The following KAZN variants were observed in gnomAD, a reference collection of about 807,000 sequenced individuals.
KAZN encodes kazrin, periplakin interacting protein, also known as kazrin.
Under a neutral mutation model 87.4 loss-of-function variants are expected in KAZN, and 40 were observed. The ratio of observed to expected loss-of-function variants is 0.46; its 90% CI spans 0.36 to 0.60. The LOEUF is 0.60. Ranked by LOEUF, KAZN falls within the 20% of genes least tolerant of loss-of-function variation. The pLI, the probability that KAZN is intolerant of heterozygous loss-of-function variation, is 0.00. For missense variants in KAZN, 898 were observed against 1,073.9 expected (o/e 0.84, Z 2.29); for synonymous variants, 466 against 458.3 (o/e 1.02, Z -0.22).
At chr1:14,711,552 C>T (rs1642487890) in intron 1 of KAZN, among the ~76,000 whole-genome samples, 1 of 152,138 alleles carries the variant, frequency 6.6e-6, no homozygotes, top group Non-Finnish European at 1.5e-5. Context: ...CCTGTGATGT[C>T]ACTTCCAAGA....
chr1:14,840,157 C>A (rs139384955), intron 1 of KAZN, among the ~76,000 whole-genome samples: 1 of 152,110 alleles, frequency 6.6e-6, no homozygotes, highest in African/African-American at 2.4e-5. Flanking sequence ...TTAATAGAGT[C>A]CAGGAGAGGT....
At chr1:14,835,870 C>A (rs1647226427) in intron 1 of KAZN, among the ~76,000 whole-genome samples, 2 of 143,938 alleles carry the variant, frequency 1.4e-5, no homozygotes, top group South Asian at 4.5e-4. Flanking sequence ...GTTTGAGGGG[C>A]ACCAATGTGT....
At position 15,021,589 on chromosome 1, in the gene KAZN, C is replaced by T. The variant is rs11806251; in HGVS notation, c.419-13160C>T. Among the ~76,000 whole-genome samples the T allele has an allele frequency of 1.3e-5, 2 of 152,048 alleles. No individual in the cohort carries two copies. The highest frequency in any genetic ancestry group is 4.8e-5 in the African/African-American group (2 of 41,316). ...CCTGCTTCCCGGGGCCCTCCGCCCT[C>T]CTGGCTTCCAGGTGACCTCTGAGCT... On this transcript the variant is annotated intron_variant, in intron 2 of 14. Coordinates refer to ENST00000376030, the MANE Select transcript of KAZN (RefSeq NM_201628.3). The surrounding 1 kb of genome is among the most constrained non-coding windows in gnomAD (Gnocchi z 4.2).
chr1:14,792,321 A>G (rs920748091), intron 1 of KAZN, among the ~76,000 whole-genome samples: 12 of 152,190 alleles, frequency 7.9e-5, no homozygotes, highest in Non-Finnish European at 1.8e-4. Context: ...GAAGGTGCAA[A>G]AAACCCAAAT....
In KAZN at chr1:13,901,180, C is replaced by A. The variant is rs550479153; in HGVS notation, c.91+7424C>A. 7.2e-5 allele frequency among the ~76,000 whole-genome samples: 11 copies of A among 152,264 alleles called. 1 individual carries two copies. The South Asian group carries it at 2.3e-3, about 32-fold the overall frequency. ...TCACAAAAGGATGTTTAAAGAAGGG[C>A]CCTCATTGGACCGAGTTTGCCTGGG... On this transcript the variant is annotated intron_variant, in intron 1 of 16. Coordinates refer to the KAZN transcript ENST00000636203.
chr1:14,519,338 TG>T (rs1052088624), intron 2 of KAZN, among the ~76,000 whole-genome samples: 3 of 152,160 alleles, frequency 2.0e-5, no homozygotes, highest in Non-Finnish European at 4.4e-5. Context: ...GCCAGTTCTT[TG>T]GGCAGAATCC....
intron 1 of KAZN, among the ~76,000 whole-genome samples, chr1:14,849,096 C>T (rs966398612): frequency 2.6e-5 from 4 of 152,138 alleles, no homozygotes; most frequent in Admixed American, 6.5e-5. Context: ...TCCCCTTGTT[C>T]GGCCACTCCC....
chr1:15,060,160 C>T lies in KAZN; in HGVS notation c.917-12C>T. 6.2e-7 allele frequency: 1 copy of T among 1,614,070 alleles called. No homozygotes were observed. The stretch of plus-strand genomic sequence containing the variant: ...CTCCATCCCTCACTCACCAGCTGTC[C>T]CTGCTTTCCAGCGGTCAGGGTGAGC... On this transcript the variant is annotated splice_polypyrimidine_tract_variant and intron_variant, in intron 5 of 14. Transcript: ENST00000376030.
At position 14,562,859 on chromosome 1, in the gene KAZN, A is replaced by T. The variant is rs72863606; in HGVS notation, c.250-36124A>T. ...TCCAGAGATTCCCGTGGAAAGCAGG[A>T]GAAGGCTGTTTTAATGATGGGCAAG... On this transcript the variant is annotated intron_variant, in intron 2 of 16. Transcript: ENST00000636203. Among the ~76,000 whole-genome samples the T allele has an allele frequency of 3.4e-3, 516 of 152,344 alleles. 5 individuals are homozygous for T. The highest frequency in any genetic ancestry group is 0.011 in the African/African-American group (478 of 41,588).
chr1:14,940,712 C>G (rs1660961404), intron 1 of KAZN, among the ~76,000 whole-genome samples: 1 of 152,058 alleles, frequency 6.6e-6, no homozygotes, highest in South Asian at 2.1e-4. Context: ...GTTCCTGGCT[C>G]TCTTGATGTT....
At chr1:14,252,658 T>A (rs1650154091) in intron 2 of KAZN, among the ~76,000 whole-genome samples, 1 of 152,210 alleles carries the variant, frequency 6.6e-6, no homozygotes, top group Admixed American at 6.5e-5. Flanking sequence ...CTTAGGAGGA[T>A]TCAAATGCTT....
intron 1 of KAZN, among the ~76,000 whole-genome samples, chr1:14,033,800 C>T (rs138403831): frequency 1.5e-3 from 222 of 152,298 alleles, no homozygotes; most frequent in African/African-American, 5.2e-3. Flanking sequence ...AAATGGGAAT[C>T]GAATCTTTTC....
At chr1:14,139,627 G>A (rs1298169986) in intron 1 of KAZN, among the ~76,000 whole-genome samples, 9 of 152,118 alleles carry the variant, frequency 5.9e-5, no homozygotes, top group Non-Finnish European at 1.3e-4. Flanking sequence ...CCCTCCTCTG[G>A]ACAATTAGCT....
At chr1:14,722,417 A>G (rs1643164609) in intron 1 of KAZN, among the ~76,000 whole-genome samples, 1 of 152,210 alleles carries the variant, frequency 6.6e-6, no homozygotes, top group Non-Finnish European at 1.5e-5. Context: ...AACATAAAAA[A>G]TTCAATTTAA....
At chr1:14,560,659 A>G (rs1284699117) in intron 2 of KAZN, among the ~76,000 whole-genome samples, 1 of 152,212 alleles carries the variant, frequency 6.6e-6, no homozygotes, top group South Asian at 2.1e-4. Context: ...TGCTTTTGAC[A>G]GTGCCTGGCA....
Position 15,094,621 on chromosome 1 carries a change from GA to G in KAZN, c.1429-191del, listed in dbSNP as rs1331276060. ...CCAGGTTTCCTTTACCTGCCTAAGGGAAAGGGCTCCCTCTGCCTGAACAGGG... is the reference window on the plus strand; with the variant it reads ...CCAGGTTTCCTTTACCTGCCTAAGGGAAGGGCTCCCTCTGCCTGAACAGGG... On this transcript the variant is annotated intron_variant, in intron 9 of 14. Coordinates refer to ENST00000376030, the MANE Select transcript of KAZN (RefSeq NM_201628.3). This position sits in a 1 kb window ranked among gnomAD's most constrained non-coding sequence, Gnocchi z 4.5. Among the ~76,000 whole-genome samples, 1 of 152,196 alleles carries G rather than the reference GA, an allele frequency of 6.6e-6. No homozygotes were observed. Among genetic ancestry groups the G allele is most frequent in the Non-Finnish European group, 1.5e-5 (1 of 68,016 alleles).
intron 1 of KAZN, among the ~76,000 whole-genome samples, chr1:14,040,153 G>A (rs1641748473): frequency 6.6e-6 from 1 of 151,870 alleles, no homozygotes; most frequent in African/African-American, 2.4e-5. Context: ...TAACTGGAGG[G>A]ATTTCATGTT....
chr1:14,615,933 C>T (rs987484619), intron 1 of KAZN, among the ~76,000 whole-genome samples: 3 of 152,198 alleles, frequency 2.0e-5, no homozygotes, highest in Non-Finnish European at 4.4e-5. Flanking sequence ...ACAGGCAGTT[C>T]GTCTTGGGGA....
chr1:14,549,998 A>C (rs999503668), intron 2 of KAZN, among the ~76,000 whole-genome samples: 1 of 152,242 alleles, frequency 6.6e-6, no homozygotes, highest in Admixed American at 6.5e-5. Flanking sequence ...TGTAGTGGAA[A>C]GATTTTCAGA....
Sources: gnomAD v4.1 joint callset for allele counts (sites outside exome capture counted in the v4.1 genomes callset) on GRCh38, gnomAD v4.1.1 for gene constraint, Gnocchi (gnomAD v3.1) non-coding constraint, MANE v1.5 for transcripts, NCBI Gene and HGNC (gene_info 2026-07-23, HGNC 2026-07-21) for gene names.